CAMK1D: variants seen among roughly 807,000 people sequenced by gnomAD.
CAMK1D encodes the protein calcium/calmodulin-dependent protein kinase type 1D.
CAMK1D carries 9 observed loss-of-function variants against 47.7 expected under a neutral mutation model. That is an observed-to-expected ratio of 0.19 (90% CI 0.11 to 0.33). CAMK1D has a LOEUF of 0.33. Among genes scored for constraint, CAMK1D ranks in the 10% least tolerant of loss-of-function variants. The pLI is 1.00. For missense variants in CAMK1D, 291 were observed against 488.7 expected, an observed-to-expected ratio of 0.60 and a Z score of 3.81; for synonymous variants, 184 against 184.9, an observed-to-expected ratio of 0.99 and a Z score of 0.04.
At chr10:12,798,775 C>G (rs1838300808) in intron 6 of CAMK1D, among the ~76,000 whole-genome samples, 1 of 152,190 alleles carries the variant, frequency 6.6e-6, no homozygotes, top group Non-Finnish European at 1.5e-5. Context: ...CTTTTAATAT[C>G]TCAAACTTGG....
intron 1 of CAMK1D, among the ~76,000 whole-genome samples, chr10:12,404,265 G>A (rs755873396): frequency 1.3e-5 from 2 of 152,120 alleles, no homozygotes; most frequent in Non-Finnish European, 2.9e-5. Context: ...GGCTGGTCTC[G>A]AACTCCTGAC....
chr10:12,681,957 C>T (rs1444413233), intron 3 of CAMK1D, among the ~76,000 whole-genome samples: 3 of 152,220 alleles, frequency 2.0e-5, no homozygotes, highest in African/African-American at 4.8e-5. Context: ...CGGTGGCTCA[C>T]GCCTGTAATC....
intron 3 of CAMK1D, among the ~76,000 whole-genome samples, chr10:12,751,167 G>C (rs557478919): frequency 6.6e-6 from 1 of 152,076 alleles, no homozygotes; most frequent in African/African-American, 2.4e-5. Context: ...CATGCTGCAT[G>C]CTTTGAGAAT....
intron 1 of CAMK1D, among the ~76,000 whole-genome samples, chr10:12,515,402 C>CTTTTTT (rs772694725): frequency 2.5e-4 from 25 of 101,852 alleles, no homozygotes; most frequent in Non-Finnish European, 3.6e-4. Flanking sequence ...TTTTCCTTTT[C>CTTTTTT]TTTTTTTTTT....
chr10:12,638,286 TAAAGTCCATAC>T (rs1389763167), intron 2 of CAMK1D, among the ~76,000 whole-genome samples: 13 of 152,208 alleles, frequency 8.5e-5, no homozygotes, highest in Non-Finnish European at 1.2e-4. Flanking sequence ...GTGGTCTGGA[TAAAGTCCATAC>T]TCTAAGCCTG....
chr10:12,709,875 G>T (rs963908150), intron 3 of CAMK1D, among the ~76,000 whole-genome samples: 4 of 152,202 alleles, frequency 2.6e-5, no homozygotes, highest in Non-Finnish European at 5.9e-5. Context: ...TCTAAGGAAA[G>T]ATTACCTTTG....
chr10:12,813,288 G>A (rs1832676845), intron 6 of CAMK1D, among the ~76,000 whole-genome samples: 1 of 152,188 alleles, frequency 6.6e-6, no homozygotes, highest in Non-Finnish European at 1.5e-5. Context: ...TCTGGGCATG[G>A]TAGTGTGCTG....
At chr10:12,773,966 G>A (rs180762263) in intron 5 of CAMK1D, among the ~76,000 whole-genome samples, 64 of 151,390 alleles carry the variant, frequency 4.2e-4, no homozygotes, top group African/African-American at 1.4e-3. Context: ...TTATGAGAGA[G>A]AAAGCAAACA....
chr10:12,503,583 C>T (rs1289169115), intron 1 of CAMK1D, among the ~76,000 whole-genome samples: 1 of 152,126 alleles, frequency 6.6e-6, no homozygotes, highest in Non-Finnish European at 1.5e-5. Context: ...GAGATCTTAT[C>T]ACAGAAAATT....
At chr10:12,645,318 T>C (rs1329320698) in intron 2 of CAMK1D, among the ~76,000 whole-genome samples, 1 of 152,226 alleles carries the variant, frequency 6.6e-6, no homozygotes, top group Admixed American at 6.5e-5. Context: ...TTTATACTTA[T>C]GGAAGAGTGT....
At chr10:12,742,929 C>T (rs941474216) in intron 3 of CAMK1D, among the ~76,000 whole-genome samples, 2 of 152,116 alleles carry the variant, frequency 1.3e-5, no homozygotes, top group Non-Finnish European at 2.9e-5. Flanking sequence ...TGGATGTGCG[C>T]AAGACAGCAG....
At chr10:12,366,466 C>A (rs1837836775) in intron 1 of CAMK1D, among the ~76,000 whole-genome samples, 1 of 151,332 alleles carries the variant, frequency 6.6e-6, no homozygotes, top group Non-Finnish European at 1.5e-5. Context: ...ACGAGCCTGG[C>A]CAACATAGTG....
chr10:12,436,642 C>A (rs1832641440), intron 1 of CAMK1D, among the ~76,000 whole-genome samples: 1 of 152,194 alleles, frequency 6.6e-6, no homozygotes, highest in Non-Finnish European at 1.5e-5. Context: ...GTTAGCCCAT[C>A]TCAGCCCTCA....
intron 2 of CAMK1D, among the ~76,000 whole-genome samples, chr10:12,617,780 A>G (rs1588695469): frequency 6.6e-6 from 1 of 152,222 alleles, no homozygotes; most frequent in African/African-American, 2.4e-5. Context: ...CAAAAGACAT[A>G]AATGAGGTGG....
chr10:12,588,113 G>A (rs1341433750), intron 2 of CAMK1D, among the ~76,000 whole-genome samples: 1 of 152,134 alleles, frequency 6.6e-6, no homozygotes, highest in African/African-American at 2.4e-5. Flanking sequence ...AAACTTGGAT[G>A]GCTCAGTAAT....
At chr10:12,359,541 TG>T (rs1225243459) in intron 1 of CAMK1D, among the ~76,000 whole-genome samples, 26 of 151,596 alleles carry the variant, frequency 1.7e-4, no homozygotes, top group Admixed American at 1.4e-3. Flanking sequence ...TTTTTTTCTC[TG>T]CACCTCTCCC....
intron 2 of CAMK1D, among the ~76,000 whole-genome samples, chr10:12,556,949 A>G (rs1836780697): frequency 6.6e-6 from 1 of 152,218 alleles, no homozygotes; most frequent in African/African-American, 2.4e-5. Context: ...AGAAACAGTT[A>G]TGAGTGTGTG....
At chr10:12,370,363 A>C (rs780485475) in intron 1 of CAMK1D, among the ~76,000 whole-genome samples, 2 of 152,150 alleles carry the variant, frequency 1.3e-5, no homozygotes, top group Non-Finnish European at 2.9e-5. Flanking sequence ...TGTATTTGCT[A>C]TGCTCTGCTT....
At position 12,769,701 on chromosome 10, in the gene CAMK1D, A is replaced by G. The variant is rs769078416; in HGVS notation, c.467A>G (p.Asp156Gly). ...KPENLLYYSQ[D>G]EESKIMISDF... Reference sequence around the variant, plus strand: ...GAAAATCTCTTGTACTACAGTCAAGATGAGGAGTCCAAAATAATGATCAGT... The same window carrying G: ...GAAAATCTCTTGTACTACAGTCAAGGTGAGGAGTCCAAAATAATGATCAGT... Residue 156 changes from aspartate (D) to glycine (G), a missense_variant, in exon 5 of 11, where the codon GAT (aspartate) becomes GGT (glycine). This residue lies in a region of CAMK1D where 219 missense variants were observed against 424.3 expected (regional missense o/e 0.52). Transcript: ENST00000619168. 7 of 1,614,062 alleles carry G rather than the reference A, an allele frequency of 4.3e-6. No homozygotes were observed. In the East Asian group the frequency reaches 1.1e-4, roughly 26 times the overall value.
Sources: allele counts gnomAD v4.1 joint callset (sites outside exome capture counted in the v4.1 genomes callset), GRCh38; gene constraint gnomAD v4.1.1; regional missense constraint gnomAD v4.1.1; transcripts MANE v1.5; gene names NCBI Gene and HGNC (gene_info 2026-07-23, HGNC 2026-07-21).